Variants in SCD5 observed in about 807,000 individuals in gnomAD.
SCD5 encodes stearoyl-CoA desaturase 5.
A neutral mutation model predicts 30.4 loss-of-function variants in SCD5; 20 were observed. The observed-to-expected ratio is 0.66, with a 90% CI of 0.46 to 0.96. The LOEUF is 0.96. Ranked by LOEUF, SCD5 falls within the 40% of genes least tolerant of loss-of-function variation. The pLI is 0.00. For missense variants in SCD5, 381 were observed against 443.3 expected (o/e 0.86, Z 1.26); for synonymous variants, 173 against 176.4 (o/e 0.98, Z 0.16).
intron 1 of SCD5, among the ~76,000 whole-genome samples, chr4:82,760,547 C>T (rs1232298440): frequency 2.0e-5 from 3 of 152,200 alleles, no homozygotes; most frequent in Non-Finnish European, 2.9e-5. Flanking sequence ...ACACGCACCA[C>T]CACATCCGGC....
chr4:82,795,354 G>A (rs1722189213), intron 1 of SCD5, among the ~76,000 whole-genome samples: 1 of 152,194 alleles, frequency 6.6e-6, no homozygotes, highest in African/African-American at 2.4e-5. Flanking sequence ...CACATAACCA[G>A]TAGGGAGGTG....
chr4:82,771,264 G>C (rs1721614823), intron 1 of SCD5, among the ~76,000 whole-genome samples: 2 of 152,088 alleles, frequency 1.3e-5, no homozygotes, highest in Admixed American at 1.3e-4. Flanking sequence ...CCAATGAGCT[G>C]ACTGGTAGCT....
At chr4:82,709,161 T>C (rs969399703) in intron 1 of SCD5, among the ~76,000 whole-genome samples, 1 of 152,214 alleles carries the variant, frequency 6.6e-6, no homozygotes, top group Non-Finnish European at 1.5e-5. Context: ...GGAACTTGAA[T>C]GAATCAGGTC....
At chr4:82,751,904 C>T (rs1035467948) in intron 1 of SCD5, among the ~76,000 whole-genome samples, 1 of 152,186 alleles carries the variant, frequency 6.6e-6, no homozygotes, top group Non-Finnish European at 1.5e-5. Flanking sequence ...GGATTACAGG[C>T]GTGAGCCACC....
chr4:82,651,901 T>TAAAAC (rs1352497885), intron 3 of SCD5, among the ~76,000 whole-genome samples: 4 of 151,996 alleles, frequency 2.6e-5, no homozygotes. Flanking sequence ...TGACAAGAGC[T>TAAAAC]AAAACAAAAC....
At chr4:82,789,876 G>T (rs1264866295) in intron 1 of SCD5, among the ~76,000 whole-genome samples, 3 of 152,210 alleles carry the variant, frequency 2.0e-5, no homozygotes, top group African/African-American at 7.2e-5. Context: ...ACAGGTCAAA[G>T]GAAGGAAGGG....
At chr4:82,681,152 C>T (rs1728564649) in intron 2 of SCD5, among the ~76,000 whole-genome samples, 1 of 152,172 alleles carries the variant, frequency 6.6e-6, no homozygotes, top group South Asian at 2.1e-4. Context: ...GACGTACCCA[C>T]TGCAGGAAGT....
At chr4:82,795,060 A>C (rs1722181762) in intron 1 of SCD5, among the ~76,000 whole-genome samples, 4 of 152,220 alleles carry the variant, frequency 2.6e-5, no homozygotes, top group Admixed American at 2.0e-4. Flanking sequence ...AAAAAGGGAA[A>C]ACAACATGCT....
At chr4:82,700,787 TAAAAAAAAAAAAAAAAAAA>T (rs70938305) in intron 2 of SCD5, among the ~76,000 whole-genome samples, 2 of 63,798 alleles carry the variant, frequency 3.1e-5, no homozygotes, top group Non-Finnish European at 3.1e-5. Flanking sequence ...ACCCTGTCTC[TAAAAAAAAAAAAAAAAAAA>T]AAAAAAAAAA....
chr4:82,766,985 G>T (rs754580217), intron 1 of SCD5, among the ~76,000 whole-genome samples: 6 of 151,930 alleles, frequency 3.9e-5, no homozygotes, highest in Admixed American at 6.6e-5. Context: ...GCCAATTCTA[G>T]AGATAATTTT....
intron 3 of SCD5, among the ~76,000 whole-genome samples, chr4:82,642,111 AT>A (rs11382076): frequency 7.3e-4 from 111 of 151,324 alleles, no homozygotes; most frequent in African/African-American, 2.4e-3. Flanking sequence ...GCTCACATAC[AT>A]TTTTTTTTAT....
At chr4:82,637,713 T>A (rs1474988051) in intron 3 of SCD5, among the ~76,000 whole-genome samples, 1 of 152,222 alleles carries the variant, frequency 6.6e-6, no homozygotes, top group East Asian at 1.9e-4. Context: ...ATCAAGCTTC[T>A]GGAAGGCCTC....
rs370579119 is a variant in SCD5, at chr4:82,705,431, G to C, written c.233-18C>G. 1.2e-6 allele frequency: 2 copies of C among 1,613,746 alleles called. No homozygotes were observed. The highest frequency in any genetic ancestry group is 2.7e-5 in the African/African-American group (2 of 74,922). On this transcript the variant is annotated intron_variant, in intron 1 of 4. Transcript: ENST00000319540. ...GAAGTAGGCTGCAAGACACAAGCAG[G>C]GACAACGTCAACAATGGTCCCTGAG...
chr4:82,781,137 G>A (rs1242056274), intron 1 of SCD5, among the ~76,000 whole-genome samples: 4 of 152,186 alleles, frequency 2.6e-5, no homozygotes, highest in Admixed American at 6.5e-5. Context: ...CTTGAGGGCC[G>A]GGCGTGGTGG....
chr4:82,657,121 T>C (rs1305446758), intron 3 of SCD5, among the ~76,000 whole-genome samples: 2 of 152,210 alleles, frequency 1.3e-5, no homozygotes, highest in African/African-American at 4.8e-5. Context: ...ATTTGTCAAT[T>C]TTGGCTTTCA....
In SCD5 at chr4:82,630,685, GC is replaced by G. The variant is rs1727269824; in HGVS notation, c.*641del. 1 of 151,384 alleles carries G rather than the reference GC, an allele frequency of 6.6e-6. No homozygotes were observed. Among genetic ancestry groups the G allele is most frequent in the African/African-American group, 2.4e-5 (1 of 40,896 alleles). The allele number at this position is 151,384 out of a possible 1,614,324, so 9.4% of individuals were successfully genotyped here. A position where few individuals can be genotyped will look rare whatever the true frequency, so the allele number is the denominator to read the frequency against. On this transcript the variant is annotated 3_prime_UTR_variant, in exon 5 of 5. Coordinates refer to ENST00000319540, the MANE Select transcript of SCD5 (RefSeq NM_001037582.3). ...AAAGTTTTTTAGGCTGGGCGCGCTG[GC>G]TCCCAGCTACTCGGGAGGCTGAGGC...
chr4:82,795,537 G>A (rs549373581), intron 1 of SCD5, among the ~76,000 whole-genome samples: 95 of 152,216 alleles, frequency 6.2e-4, no homozygotes, highest in African/African-American at 2.2e-3. Context: ...TCCCTCAAAA[G>A]CTATTCATGA....
intron 1 of SCD5, among the ~76,000 whole-genome samples, chr4:82,771,117 C>T (rs1192167118): frequency 6.6e-6 from 1 of 152,126 alleles, no homozygotes; most frequent in Non-Finnish European, 1.5e-5. Flanking sequence ...CAGGTGCGCA[C>T]CACCATGCCT....
At chr4:82,719,650 C>A (rs1720320302) in intron 1 of SCD5, among the ~76,000 whole-genome samples, 1 of 151,330 alleles carries the variant, frequency 6.6e-6, no homozygotes. Flanking sequence ...ACTACAGGGG[C>A]CCGCTACCAC....
Sources: gnomAD v4.1 joint callset for allele counts (sites outside exome capture counted in the v4.1 genomes callset) on GRCh38, gnomAD v4.1.1 for gene constraint, MANE v1.5 for transcripts, NCBI Gene and HGNC (gene_info 2026-07-23, HGNC 2026-07-21) for gene names.